The following PER2 variants were observed in gnomAD, a reference collection of about 807,000 sequenced individuals.
The protein encoded by PER2 is period circadian regulator 2.
In PER2, 66 loss-of-function variants were observed where a neutral mutation model predicts 121.0. The observed-to-expected ratio is 0.55, with a 90% CI of 0.45 to 0.67. The LOEUF (loss-of-function observed/expected upper bound fraction) is 0.67, where lower values mean the gene tolerates loss of function less well. Among genes scored for constraint, PER2 ranks in the 30% least tolerant of loss-of-function variants. The pLI is 0.00. For synonymous variants in PER2, 684 were observed against 659.9 expected, an observed-to-expected ratio of 1.04 and a Z score of -0.56; for missense variants, 1,521 against 1,635.0, an observed-to-expected ratio of 0.93 and a Z score of 1.20.
Position 238,253,833 on chromosome 2 carries a change from A to G in PER2, c.2321-131T>C. The G allele has an allele frequency of 7.0e-6, 5 of 710,540 alleles. No individual in the cohort carries two copies. The South Asian group carries it at 7.9e-5, about 11-fold the overall frequency. 44.0% of individuals were successfully genotyped at this position (710,540 alleles called of 1,614,324 possible). A position where few individuals can be genotyped will look rare whatever the true frequency, so the allele number is the denominator to read the frequency against. ...CTGGTCCACCGAGCGGTTTTCCCTG[A>G]TCCTCAGTGAAGTGAGAAAAATCAG... On this transcript the variant is annotated intron_variant, in intron 18 of 22. Transcript: ENST00000254657. This position sits in a 1 kb window ranked among gnomAD's most constrained non-coding sequence, Gnocchi z 5.6.
At chr2:238,290,660 C>T (rs925294743), upstream of PER2, among the ~76,000 whole-genome samples, 3 of 152,168 alleles carry the variant, frequency 2.0e-5, no homozygotes, top group African/African-American at 7.2e-5. Flanking sequence ...GATTCACAGC[C>T]AGTTTCTTCT....
intron 20 of PER2, 36 bp from the exon 21 acceptor site, chr2:238,250,779 G>C (rs1695577088): frequency 6.9e-7 from 1 of 1,438,990 alleles, no homozygotes; most frequent in Admixed American, 1.7e-5. Context: ...TCAAAACATT[G>C]ACATATGAAA....
At chr2:238,251,964 T>C (rs775934241) in intron 19 of PER2, among the ~76,000 whole-genome samples, 25 of 152,276 alleles carry the variant, frequency 1.6e-4, no homozygotes, top group Non-Finnish European at 3.1e-4. Context: ...TGATGCTCTA[T>C]GGATGCCGTC....
chr2:238,248,173 G>A (rs1284061966), intron 22 of PER2, among the ~76,000 whole-genome samples: 1 of 152,238 alleles, frequency 6.6e-6, no homozygotes, highest in Non-Finnish European at 1.5e-5. Context: ...AGCCTGAAGA[G>A]CACAGGGCCT....
chr2:238,267,819 T>C (rs1442459840), intron 8 of PER2, among the ~76,000 whole-genome samples: 5 of 151,974 alleles, frequency 3.3e-5, no homozygotes, highest in African/African-American at 7.3e-5. Flanking sequence ...CTGGTGTGGA[T>C]AGGGGTGAGA....
At chr2:238,251,349 G>A (rs77796063) in intron 20 of PER2, among the ~76,000 whole-genome samples, 17,208 of 152,280 alleles carry the variant, frequency 0.11, 1,289 homozygotes, top group Admixed American at 0.18. Flanking sequence ...GTCCCACAAG[G>A]AGCCAGGGTG....
Position 238,268,781 on chromosome 2 carries a change from C to T in PER2, c.824+142G>A. On this transcript the variant is annotated intron_variant, in intron 7 of 22. Coordinates refer to ENST00000254657, the MANE Select transcript of PER2 (RefSeq NM_022817.3). This position sits in a 1 kb window ranked among gnomAD's most constrained non-coding sequence, Gnocchi z 4.0. ...CTGTACACATTTAAAATGTAACTGACTGTGTTTTCTGGTAGACTTCAGAAA... is the reference window on the plus strand; with the variant it reads ...CTGTACACATTTAAAATGTAACTGATTGTGTTTTCTGGTAGACTTCAGAAA... The T allele has an allele frequency of 1.4e-6, 1 of 700,324 alleles. No individual in the cohort carries two copies. Among genetic ancestry groups the T allele is most frequent in the South Asian group, 1.6e-5 (1 of 63,184 alleles). The allele number at this position is 700,324 out of a possible 1,614,324, so 43.4% of individuals were successfully genotyped here.
chr2:238,271,179 C>T, intron 6 of PER2, 133 bp downstream of exon 6: 2 of 783,374 alleles, frequency 2.6e-6, no homozygotes, highest in Non-Finnish European at 4.6e-6. Context: ...TTTGCCAGAG[C>T]AGGCAGCTGG....
At position 238,275,730 on chromosome 2, in the gene PER2, G is replaced by A. The variant is rs551049496; in HGVS notation, c.448+13C>T. The A allele has an allele frequency of 3.5e-5, 57 of 1,612,706 alleles. No homozygotes were observed. The highest frequency in any genetic ancestry group is 1.7e-4 in the Admixed American group (10 of 60,028). On this transcript the variant is annotated intron_variant, in intron 4 of 22. Transcript: ENST00000254657. ...TTCTATAGGTTTGGAGCAGATGTGC[G>A]AGGCCGACGTACCTTTCACCTGCTT...
chr2:238,245,199 T>C lies in PER2; in HGVS notation c.*1176A>G, dbSNP rs1695415013. The C allele has an allele frequency of 5.0e-6, 1 of 199,822 alleles. No homozygotes were observed. The highest frequency in any genetic ancestry group is 1.0e-5 in the Non-Finnish European group (1 of 99,586). 12.4% of individuals were successfully genotyped at this position (199,822 alleles called of 1,614,324 possible). A position where few individuals can be genotyped will look rare whatever the true frequency, so the allele number is the denominator to read the frequency against. ...TCTGAACCATCTTTGGAATATACAA[T>C]GCAACATGAGGTTTTGTAAAAAGCC... On this transcript the variant is annotated 3_prime_UTR_variant, in exon 23 of 23. Coordinates refer to ENST00000254657, the MANE Select transcript of PER2 (RefSeq NM_022817.3).
chr2:238,272,254 C>T (rs1195886573), intron 5 of PER2, among the ~76,000 whole-genome samples: 2 of 152,226 alleles, frequency 1.3e-5, no homozygotes, highest in Non-Finnish European at 2.9e-5. Context: ...ACTCACCCCG[C>T]TGTCTTGGAC....
At chr2:238,287,978 G>A (rs1393452706) in intron 1 of PER2, among the ~76,000 whole-genome samples, 3 of 152,200 alleles carry the variant, frequency 2.0e-5, no homozygotes, top group Admixed American at 6.5e-5. Context: ...AATACAGGGT[G>A]GTCCAGGGGA....
chr2:238,282,516 A>G (rs1574861480), intron 1 of PER2, among the ~76,000 whole-genome samples: 1 of 152,240 alleles, frequency 6.6e-6, no homozygotes, highest in East Asian at 1.9e-4. Flanking sequence ...TACACCCACT[A>G]AAAGGATAGA....
intron 6 of PER2, among the ~76,000 whole-genome samples, chr2:238,269,806 A>C (rs1230956157): frequency 1.3e-5 from 2 of 152,274 alleles, no homozygotes; most frequent in Admixed American, 1.3e-4. Flanking sequence ...TGGAGGCCAC[A>C]GCAGCTATAT....
At chr2:238,291,382 CCT>C (rs1263668883), upstream of PER2, among the ~76,000 whole-genome samples, 2 of 152,238 alleles carry the variant, frequency 1.3e-5, no homozygotes, top group African/African-American at 4.8e-5. Context: ...ACTCACTGGC[CCT>C]CTCATTCACT....
upstream of PER2, among the ~76,000 whole-genome samples, chr2:238,292,629 C>T (rs1176575825): frequency 6.6e-6 from 1 of 152,116 alleles, no homozygotes; most frequent in East Asian, 1.9e-4. Context: ...TTATAAATGT[C>T]CATTGCCATA....
At chr2:238,270,957 C>T (rs111422179) in intron 6 of PER2, among the ~76,000 whole-genome samples, 2,977 of 152,338 alleles carry the variant, frequency 0.02, 117 homozygotes, top group African/African-American at 0.069. Flanking sequence ...GGCAGGGGGA[C>T]GCCTGCGTGC....
upstream of PER2, among the ~76,000 whole-genome samples, chr2:238,288,929 T>G (rs1230598388): frequency 6.6e-6 from 1 of 152,144 alleles, no homozygotes; most frequent in East Asian, 1.9e-4. Flanking sequence ...CCGTCGCTCT[T>G]TTTACATAAG....
chr2:238,277,123 G>T lies in PER2; in HGVS notation c.293+8C>A. The T allele has an allele frequency of 6.3e-7, 1 of 1,591,146 alleles. No individual in the cohort carries two copies. The highest frequency in any genetic ancestry group is 8.6e-7 in the Non-Finnish European group (1 of 1,159,092). ...AACCTCTATGTATGAAGTTCTAATT[G>T]GCCTTACCTGCAGCCACTTGTAGAT... On this transcript the variant is annotated splice_region_variant and intron_variant, in intron 3 of 22. Transcript: ENST00000254657.
Sources: gnomAD v4.1 joint callset for allele counts (sites outside exome capture counted in the v4.1 genomes callset) on GRCh38, gnomAD v4.1.1 for gene constraint, Gnocchi (gnomAD v3.1) non-coding constraint, MANE v1.5 for transcripts, NCBI Gene and HGNC (gene_info 2026-07-23, HGNC 2026-07-21) for gene names.